SPOCK1: variants seen among roughly 807,000 people sequenced by gnomAD.
The protein encoded by SPOCK1 is testican-1.
A neutral mutation model predicts 55.3 loss-of-function variants in SPOCK1; 23 were observed. That is an observed-to-expected ratio of 0.42 (90% CI 0.30 to 0.59). The LOEUF is 0.59. SPOCK1 is among the 20% of genes least tolerant of loss of function. The pLI is 0.22. For missense variants in SPOCK1, 499 were observed against 552.5 expected (o/e 0.90, Z 0.97); for synonymous variants, 226 against 221.0 (o/e 1.02, Z -0.20).
Position 137,067,699 on chromosome 5 carries a change from G to A in SPOCK1, c.589+16C>T, listed in dbSNP as rs1012615785. On this transcript the variant is annotated intron_variant, in intron 6 of 10. Coordinates refer to ENST00000394945, the MANE Select transcript of SPOCK1 (RefSeq NM_004598.4). ...CATTCCTGCCCACGAATTCTCTGAAGGAAACCCTCACTCACCACTCCTTTC... is the reference window on the plus strand; with the variant it reads ...CATTCCTGCCCACGAATTCTCTGAAAGAAACCCTCACTCACCACTCCTTTC... 11 of 1,610,596 alleles carry A rather than the reference G, an allele frequency of 6.8e-6. No individual in the cohort carries two copies. The African/African-American group carries it at 1.2e-4, about 18-fold the overall frequency.
chr5:137,495,954 T>C (rs1183843828), intron 2 of SPOCK1, among the ~76,000 whole-genome samples: 1 of 152,250 alleles, frequency 6.6e-6, no homozygotes, highest in Non-Finnish European at 1.5e-5. Context: ...GATGTTTTAA[T>C]GGCATGCTGG....
At chr5:136,989,103 CT>C (rs1750899610) in intron 7 of SPOCK1, among the ~76,000 whole-genome samples, 1 of 152,186 alleles carries the variant, frequency 6.6e-6, no homozygotes, top group East Asian at 1.9e-4. Context: ...AGAAGCACCG[CT>C]TGCATCCCAG....
intron 3 of SPOCK1, among the ~76,000 whole-genome samples, chr5:137,239,885 G>A (rs1756251218): frequency 1.3e-5 from 2 of 152,100 alleles, no homozygotes; most frequent in South Asian, 2.1e-4. Flanking sequence ...TTAAAAACAA[G>A]TTGATTATAT....
intron 2 of SPOCK1, among the ~76,000 whole-genome samples, chr5:137,323,103 G>A (rs1400088796): frequency 6.6e-6 from 1 of 152,146 alleles, no homozygotes; most frequent in African/African-American, 2.4e-5. Flanking sequence ...CTGCTGCACT[G>A]GGGATTAAGT....
chr5:137,135,461 A>G (rs955941103), intron 4 of SPOCK1, among the ~76,000 whole-genome samples: 3 of 152,218 alleles, frequency 2.0e-5, no homozygotes, highest in Non-Finnish European at 4.4e-5. Flanking sequence ...AAGAATGCCT[A>G]TGAGAATGTT....
intron 2 of SPOCK1, among the ~76,000 whole-genome samples, chr5:137,331,675 G>A (rs1036616168): frequency 4.8e-4 from 73 of 152,154 alleles, no homozygotes; most frequent in African/African-American, 1.6e-3. Flanking sequence ...GGTCCCAGAC[G>A]CTTCTAAACA....
chr5:137,338,125 C>T (rs756558871), intron 2 of SPOCK1, among the ~76,000 whole-genome samples: 148 of 152,134 alleles, frequency 9.7e-4, no homozygotes, highest in Middle Eastern at 6.8e-3. Context: ...CCCAATAACT[C>T]GTCATTTAGC....
chr5:137,381,960 C>T (rs1046474084), intron 2 of SPOCK1, among the ~76,000 whole-genome samples: 2 of 152,170 alleles, frequency 1.3e-5, no homozygotes, highest in African/African-American at 4.8e-5. Context: ...TTATGTTCTG[C>T]TTCCCTTTTA....
At chr5:137,323,655 G>T (rs1758020683) in intron 2 of SPOCK1, among the ~76,000 whole-genome samples, 1 of 151,938 alleles carries the variant, frequency 6.6e-6, no homozygotes, top group Non-Finnish European at 1.5e-5. Context: ...TTTTTAAAAT[G>T]GGTATTTTAA....
chr5:137,137,859 G>T (rs1178302603), intron 4 of SPOCK1, among the ~76,000 whole-genome samples: 1 of 152,150 alleles, frequency 6.6e-6, no homozygotes, highest in African/African-American at 2.4e-5. Context: ...AAATGAAGTA[G>T]ATAATAATAA....
chr5:137,034,253 A>G (rs1432902695), intron 6 of SPOCK1, among the ~76,000 whole-genome samples: 1 of 152,154 alleles, frequency 6.6e-6, no homozygotes, highest in East Asian at 1.9e-4. Context: ...TTCAACAGAG[A>G]GTGAAGAATG....
intron 2 of SPOCK1, among the ~76,000 whole-genome samples, chr5:137,400,765 G>A (rs1169331976): frequency 1.3e-5 from 2 of 152,132 alleles, no homozygotes; most frequent in African/African-American, 4.8e-5. Context: ...CCCAGCCAAG[G>A]AGCTCAATGC....
intron 2 of SPOCK1, among the ~76,000 whole-genome samples, chr5:137,340,973 C>T (rs1437362412): frequency 1.3e-5 from 2 of 152,132 alleles, no homozygotes; most frequent in Non-Finnish European, 2.9e-5. Flanking sequence ...ATCTGGGACT[C>T]ACATCCTGGC....
chr5:137,405,840 G>A (rs988335949), intron 2 of SPOCK1, among the ~76,000 whole-genome samples: 15 of 152,098 alleles, frequency 9.9e-5, no homozygotes, highest in African/African-American at 2.4e-4. Flanking sequence ...GTACATCTTC[G>A]CCACACCATC....
intron 2 of SPOCK1, among the ~76,000 whole-genome samples, chr5:137,391,249 C>T (rs1203983334): frequency 6.6e-6 from 1 of 152,174 alleles, no homozygotes; most frequent in Non-Finnish European, 1.5e-5. Context: ...TTTATGGCTG[C>T]ATAGTATTCC....
intron 2 of SPOCK1, among the ~76,000 whole-genome samples, chr5:137,374,708 G>A (rs575068869): frequency 1.3e-5 from 2 of 152,274 alleles, no homozygotes; most frequent in African/African-American, 4.8e-5. Context: ...CCTTGCTGAG[G>A]GGAACACAGC....
intron 2 of SPOCK1, among the ~76,000 whole-genome samples, chr5:137,483,425 G>A (rs775977818): frequency 1.3e-5 from 2 of 152,176 alleles, no homozygotes; most frequent in African/African-American, 2.4e-5. Flanking sequence ...AACAAGAGGA[G>A]CCATATGCCC....
At chr5:137,139,450 G>T (rs187523686) in intron 4 of SPOCK1, among the ~76,000 whole-genome samples, 1 of 152,120 alleles carries the variant, frequency 6.6e-6, no homozygotes, top group African/African-American at 2.4e-5. Context: ...ACCCCCAGAG[G>T]AACAGCCAAG....
intron 2 of SPOCK1, among the ~76,000 whole-genome samples, chr5:137,350,194 G>C (rs1750649070): frequency 1.3e-5 from 2 of 152,176 alleles, no homozygotes. Flanking sequence ...AGAAGTTACA[G>C]TGCTATGGAC....
Sources: allele counts gnomAD v4.1 joint callset (sites outside exome capture counted in the v4.1 genomes callset), GRCh38; gene constraint gnomAD v4.1.1; transcripts MANE v1.5; gene names NCBI Gene and HGNC (gene_info 2026-07-23, HGNC 2026-07-21).